The following NEDD4L variants were observed in gnomAD, a reference collection of about 807,000 sequenced individuals.
NEDD4L encodes E3 ubiquitin-protein ligase NEDD4-like.
A neutral mutation model predicts 148.9 loss-of-function variants in NEDD4L; 54 were observed. The ratio of observed to expected loss-of-function variants is 0.36; its 90% CI spans 0.29 to 0.45. NEDD4L has a LOEUF of 0.45. NEDD4L is among the 20% of genes least tolerant of loss of function. The pLI, the probability that NEDD4L is intolerant of heterozygous loss-of-function variation, is 1.00. For missense variants in NEDD4L, 856 were observed against 1,233.8 expected (o/e 0.69, Z 4.59); for synonymous variants, 433 against 440.7 (o/e 0.98, Z 0.22).
intron 25 of NEDD4L, among the ~76,000 whole-genome samples, chr18:58,385,250 G>A (rs1342172153): frequency 6.6e-6 from 1 of 152,162 alleles, no homozygotes; most frequent in East Asian, 1.9e-4. Context: ...GCATTTTAAA[G>A]CAGTTAAGCA....
At chr18:58,055,034 G>A (rs2082033355) in intron 1 of NEDD4L, among the ~76,000 whole-genome samples, 1 of 152,062 alleles carries the variant, frequency 6.6e-6, no homozygotes, top group Non-Finnish European at 1.5e-5. Flanking sequence ...TGATGGGTGG[G>A]GTGGGGCAGT....
chr18:58,309,599 G>T (rs751382597), intron 5 of NEDD4L, among the ~76,000 whole-genome samples: 1 of 151,790 alleles, frequency 6.6e-6, no homozygotes, highest in Admixed American at 6.6e-5. Flanking sequence ...GCACAACAGT[G>T]CTGCTCACCT....
intron 16 of NEDD4L, among the ~76,000 whole-genome samples, chr18:58,347,205 G>GCCCC (rs138430099): frequency 0.013 from 524 of 39,534 alleles, no homozygotes; most frequent in African/African-American, 0.017. Flanking sequence ...TCACGCTACG[G>GCCCC]CCCCCCCCGC....
chr18:58,389,231 T>C, intron 28 of NEDD4L, 39 bp downstream of exon 28: 1 of 1,467,756 alleles, frequency 6.8e-7, no homozygotes. Flanking sequence ...GTCCTCCACC[T>C]GAGGCAGGAT....
At position 58,366,095 on chromosome 18, in the gene NEDD4L, C is replaced by T. The variant is rs2146097845; in HGVS notation, c.1930C>T (p.Leu644=). The change falls in exon 21 of 31, where the codon CTA becomes TTA. Residue 644 remains leucine, a synonymous_variant. Transcript: ENST00000400345. This position sits in a 1 kb window ranked among gnomAD's most constrained non-coding sequence, Gnocchi z 4.2. ...RIMSVKRPDV[L]KARLWIEFES... is the part of the protein sequence containing the mutation. ...TATGTCCGTGAAAAGACCAGATGTCCTAAAAGCTAGACTGTGGATTGAGTT... is the reference window on the plus strand; with the variant it reads ...TATGTCCGTGAAAAGACCAGATGTCTTAAAAGCTAGACTGTGGATTGAGTT... 6.2e-7 allele frequency: 1 copy of T among 1,613,514 alleles called. No homozygotes were observed. The highest frequency in any genetic ancestry group is 1.3e-5 in the African/African-American group (1 of 75,022).
chr18:58,265,228 C>T (rs1251735818), intron 5 of NEDD4L, among the ~76,000 whole-genome samples: 1 of 152,026 alleles, frequency 6.6e-6, no homozygotes, highest in African/African-American at 2.4e-5. Context: ...GTCATATTGG[C>T]TCCAAATTGC....
intron 16 of NEDD4L, among the ~76,000 whole-genome samples, chr18:58,343,361 G>T (rs3852853): frequency 6.6e-6 from 1 of 151,956 alleles, no homozygotes; most frequent in Admixed American, 6.5e-5. Flanking sequence ...ACAGTTCACC[G>T]TGCTGGATGG....
chr18:58,328,688 G>A (rs1051611950), intron 9 of NEDD4L, among the ~76,000 whole-genome samples: 9 of 152,194 alleles, frequency 5.9e-5, no homozygotes, highest in African/African-American at 1.7e-4. Context: ...TGGCAAATGG[G>A]CAGAGGACTT....
chr18:58,266,808 A>T (rs957286139), intron 5 of NEDD4L, among the ~76,000 whole-genome samples: 1 of 152,172 alleles, frequency 6.6e-6, no homozygotes, highest in African/African-American at 2.4e-5. Context: ...GACCAATTAT[A>T]GGTACTAAGA....
intron 5 of NEDD4L, among the ~76,000 whole-genome samples, chr18:58,315,224 AG>A (rs2058133816): frequency 6.6e-6 from 1 of 152,122 alleles, no homozygotes; most frequent in African/African-American, 2.4e-5. Context: ...ACCGTAACTG[AG>A]GGATATAGTG....
At chr18:58,106,390 C>T (rs1224160186) in intron 1 of NEDD4L, among the ~76,000 whole-genome samples, 2 of 152,140 alleles carry the variant, frequency 1.3e-5, no homozygotes, top group East Asian at 1.9e-4. Flanking sequence ...GGGAAGGTAC[C>T]GAAAAAGCCA....
intron 1 of NEDD4L, among the ~76,000 whole-genome samples, chr18:58,050,830 A>G (rs1190044753): frequency 6.6e-6 from 1 of 152,212 alleles, no homozygotes; most frequent in Non-Finnish European, 1.5e-5. Flanking sequence ...TGATCCTCAG[A>G]TGACTGTAGT....
chr18:58,124,248 C>G (rs2030587533), intron 1 of NEDD4L, among the ~76,000 whole-genome samples: 1 of 152,210 alleles, frequency 6.6e-6, no homozygotes, highest in African/African-American at 2.4e-5. Context: ...GCTGTGCTGT[C>G]CTGGGTGAGC....
intron 5 of NEDD4L, among the ~76,000 whole-genome samples, chr18:58,259,264 T>C (rs2049021508): frequency 6.6e-6 from 1 of 152,242 alleles, no homozygotes; most frequent in African/African-American, 2.4e-5. Context: ...GAAACCCTTG[T>C]GATGATAAGT....
intron 2 of NEDD4L, among the ~76,000 whole-genome samples, chr18:58,228,776 G>A (rs1026390607): frequency 2.0e-5 from 3 of 152,184 alleles, no homozygotes; most frequent in African/African-American, 7.2e-5. Flanking sequence ...GTGAAAAGAG[G>A]CCCAGGATGA....
intron 1 of NEDD4L, chr18:58,045,277 A>G (rs1484354785): frequency 3.8e-5 from 15 of 396,772 alleles, no homozygotes; most frequent in African/African-American, 3.1e-4. Context: ...GTCTACGGCC[A>G]GGATTGTGGA....
intron 1 of NEDD4L, among the ~76,000 whole-genome samples, chr18:58,082,601 G>A (rs1456679321): frequency 2.6e-5 from 4 of 151,304 alleles, no homozygotes; most frequent in Non-Finnish European, 5.9e-5. Context: ...GTGAAACCCC[G>A]TCTCTGCTAA....
At chr18:58,353,242 T>C (rs2044153160) in intron 18 of NEDD4L, among the ~76,000 whole-genome samples, 1 of 152,240 alleles carries the variant, frequency 6.6e-6, no homozygotes, top group South Asian at 2.1e-4. Context: ...TGATCAGTTC[T>C]GCAGTTACTC....
intron 2 of NEDD4L, among the ~76,000 whole-genome samples, chr18:58,201,050 T>C (rs866105830): frequency 6.6e-6 from 1 of 152,194 alleles, no homozygotes; most frequent in South Asian, 2.1e-4. Context: ...TAAAGAAGAT[T>C]AGGCTGGTGC....
Sources: allele counts gnomAD v4.1 joint callset (sites outside exome capture counted in the v4.1 genomes callset), GRCh38; gene constraint gnomAD v4.1.1; non-coding constraint Gnocchi (gnomAD v3.1); transcripts MANE v1.5; gene names NCBI Gene and HGNC (gene_info 2026-07-23, HGNC 2026-07-21).